Variants in PTK2B observed in about 807,000 individuals in gnomAD.
PTK2B encodes protein-tyrosine kinase 2-beta.
A neutral mutation model predicts 142.9 loss-of-function variants in PTK2B; 71 were observed. The observed-to-expected ratio is 0.50, with a 90% CI of 0.41 to 0.61. The LOEUF is 0.61. Among genes scored for constraint, PTK2B ranks in the 20% least tolerant of loss-of-function variants. The probability of loss-of-function intolerance (pLI) is 0.00; values close to 1 mark genes in which losing one functional copy is unlikely to be tolerated. For synonymous variants in PTK2B, 519 were observed against 503.4 expected, an observed-to-expected ratio of 1.03 and a Z score of -0.42; for missense variants, 1,105 against 1,320.4, an observed-to-expected ratio of 0.84 and a Z score of 2.53.
At position 27,435,790 on chromosome 8, in the gene PTK2B, G is replaced by A. The variant is rs778098175; in HGVS notation, c.1240G>A (p.Gly414Arg). ...TCCCGACGAAACCCTGCGAAGGCCC[G>A]GAGGTAGGTTCTCGACCCCGCCACA... The part of the protein sequence containing the change: ...EIPDETLRRP[G>R]GPQYGIARED... Residue 414 changes from glycine to arginine, a missense_variant, in exon 14 of 31, where the codon GGA becomes AGA. Transcript: ENST00000346049. The A allele has an allele frequency of 5.3e-5, 85 of 1,613,926 alleles. 1 individual carries two copies. The South Asian group carries it at 5.3e-4, about 10-fold the overall frequency.
intron 3 of PTK2B, among the ~76,000 whole-genome samples, chr8:27,315,129 A>G (rs1445901771): frequency 6.6e-6 from 1 of 152,140 alleles, no homozygotes; most frequent in East Asian, 1.9e-4. Flanking sequence ...CTTTCCTCAC[A>G]ATGACAAGGG....
intron 9 of PTK2B, 200 bp from the exon 10 acceptor site, chr8:27,432,060 T>C: frequency 1.9e-6 from 1 of 513,596 alleles, no homozygotes; most frequent in African/African-American, 1.9e-5. Flanking sequence ...CAATTCTTCT[T>C]CCAATGTGGC....
chr8:27,340,176 T>A (rs1261880172), intron 1 of PTK2B, among the ~76,000 whole-genome samples: 1 of 152,218 alleles, frequency 6.6e-6, no homozygotes, highest in Non-Finnish European at 1.5e-5. Flanking sequence ...CAAGGGGTAC[T>A]ATTCTCAAGA....
At chr8:27,457,751 G>T (rs1304612027) in intron 30 of PTK2B, among the ~76,000 whole-genome samples, 1 of 152,138 alleles carries the variant, frequency 6.6e-6, no homozygotes, top group Non-Finnish European at 1.5e-5. Context: ...AAGGTCGGAG[G>T]ATCACCTGAG....
intron 2 of PTK2B, among the ~76,000 whole-genome samples, chr8:27,414,142 G>A (rs1468810184): frequency 6.6e-6 from 1 of 152,158 alleles, no homozygotes; most frequent in Non-Finnish European, 1.5e-5. Flanking sequence ...CCCTAGCCCT[G>A]GAATCAGCCA....
At chr8:27,452,587 GT>G (rs1214881959) in intron 27 of PTK2B, 1 of 150,658 alleles carries the variant, frequency 6.6e-6, no homozygotes, top group Non-Finnish European at 1.5e-5. Flanking sequence ...AGAACAAAGT[GT>G]GCTGAGTGGA....
intron 7 of PTK2B, 76 bp from the exon 8 acceptor site, chr8:27,430,800 C>T (rs1361156232): frequency 6.4e-7 from 1 of 1,550,948 alleles, no homozygotes; most frequent in East Asian, 2.3e-5. Context: ...TGGGCAGTCT[C>T]TCAGCGAGAC....
intron 4 of PTK2B, among the ~76,000 whole-genome samples, chr8:27,422,087 C>T (rs1299251843): frequency 6.6e-6 from 1 of 152,166 alleles, no homozygotes; most frequent in Non-Finnish European, 1.5e-5. Flanking sequence ...GGAGAGAATG[C>T]CTGTAAAAGC....
chr8:27,362,028 C>T (rs937555709), intron 1 of PTK2B, among the ~76,000 whole-genome samples: 1 of 152,246 alleles, frequency 6.6e-6, no homozygotes, highest in African/African-American at 2.4e-5. Flanking sequence ...ACCAACCTGA[C>T]TGGGTCTGTG....
intron 1 of PTK2B, among the ~76,000 whole-genome samples, chr8:27,348,244 A>G (rs1204039409): frequency 6.6e-6 from 1 of 152,206 alleles, no homozygotes; most frequent in Non-Finnish European, 1.5e-5. Flanking sequence ...TTTAAGCCAA[A>G]TCTGGCCCTT....
Position 27,326,112 on chromosome 8 carries a change from C to T in PTK2B, c.-38+431C>T, listed in dbSNP as rs568611744. Among the ~76,000 whole-genome samples the T allele has an allele frequency of 1.1e-4, 16 of 152,246 alleles. No individual in the cohort carries two copies. In the South Asian group the frequency reaches 2.9e-3, roughly 28 times the overall value. ...GCCCCAGGGGTTATAGTCTCACCCC[C>T]AGCCCACCCTGACTCTCCTGCAGCC... On this transcript the variant is annotated intron_variant, in intron 1 of 30. Transcript: ENST00000346049.
chr8:27,345,674 A>G (rs533217917), intron 1 of PTK2B, among the ~76,000 whole-genome samples: 2 of 152,342 alleles, frequency 1.3e-5, no homozygotes, highest in Admixed American at 1.3e-4. Context: ...CTATTTGTGC[A>G]GACTTCTATG....
chr8:27,319,683 A>G (rs1368251119), intron 3 of PTK2B, among the ~76,000 whole-genome samples: 2 of 151,664 alleles, frequency 1.3e-5, no homozygotes, highest in East Asian at 1.9e-4. Flanking sequence ...AGGACATAAT[A>G]TCCATTAATG....
At chr8:27,385,345 A>G (rs1000607215) in intron 1 of PTK2B, among the ~76,000 whole-genome samples, 1 of 152,138 alleles carries the variant, frequency 6.6e-6, no homozygotes, top group South Asian at 2.1e-4. Flanking sequence ...GTGGCAAAGG[A>G]CCTCAAGGCA....
chr8:27,310,989 G>A, upstream of PTK2B: 1 of 1,612,020 alleles, frequency 6.2e-7, no homozygotes. Context: ...TCCTCGCGCA[G>A]CAGCTTCTCC....
intron 1 of PTK2B, among the ~76,000 whole-genome samples, chr8:27,329,359 A>C (rs1253344224): frequency 1.3e-5 from 2 of 152,186 alleles, no homozygotes; most frequent in African/African-American, 2.4e-5. Flanking sequence ...AGAAAGTCCA[A>C]GTCCCTTGGC....
chr8:27,337,908 A>G (rs746076723), intron 1 of PTK2B, among the ~76,000 whole-genome samples: 22 of 152,204 alleles, frequency 1.4e-4, no homozygotes, highest in Non-Finnish European at 2.6e-4. Context: ...GGGTCCTGTG[A>G]TAACTCTGTT....
In PTK2B at chr8:27,336,167, T is replaced by C. The variant is rs112840802; in HGVS notation, c.-38+10486T>C. On this transcript the variant is annotated intron_variant, in intron 1 of 30. Transcript: ENST00000346049. The stretch of plus-strand genomic sequence containing the variant: ...GTGAGTGGCGGGAGGGGCTGTAGAT[T>C]TGAACTCCCTGAAAGAAGATATGTG... 3.3e-5 allele frequency among the ~76,000 whole-genome samples: 5 copies of C among 152,274 alleles called. No individual in the cohort carries two copies. The East Asian group carries it at 9.7e-4, about 29-fold the overall frequency.
chr8:27,339,721 T>A (rs925043403), intron 1 of PTK2B, among the ~76,000 whole-genome samples: 5 of 151,996 alleles, frequency 3.3e-5, no homozygotes, highest in African/African-American at 1.2e-4. Context: ...ATGGTTGGAG[T>A]TGGGGATCAG....
Sources: gnomAD v4.1 joint callset for allele counts (sites outside exome capture counted in the v4.1 genomes callset) on GRCh38, gnomAD v4.1.1 for gene constraint, MANE v1.5 for transcripts, NCBI Gene and HGNC (gene_info 2026-07-23, HGNC 2026-07-21) for gene names.